CHODL: variants seen among roughly 807,000 people sequenced by gnomAD.
CHODL encodes transmembrane protein MT75.
Under a neutral mutation model 34.5 loss-of-function variants are expected in CHODL, and 29 were observed. The ratio of observed to expected loss-of-function variants is 0.84; its 90% CI spans 0.63 to 1.15. The LOEUF is 1.15. Ranked by LOEUF, CHODL falls within the 50% of genes most tolerant of loss-of-function variation. The pLI is 0.00. For missense variants in CHODL, 332 were observed against 332.5 expected, an observed-to-expected ratio of 1.00 and a Z score of 0.01; for synonymous variants, 125 against 116.1, an observed-to-expected ratio of 1.08 and a Z score of -0.49.
At chr21:18,116,241 G>A (rs1055341813) in intron 2 of CHODL, among the ~76,000 whole-genome samples, 1 of 151,948 alleles carries the variant, frequency 6.6e-6, no homozygotes, top group Non-Finnish European at 1.5e-5. Flanking sequence ...TGACCCATAT[G>A]GCCCCTTCTG....
upstream of CHODL, among the ~76,000 whole-genome samples, chr21:18,241,756 A>G (rs2074084464): frequency 6.6e-6 from 1 of 152,234 alleles, no homozygotes; most frequent in African/African-American, 2.4e-5. Flanking sequence ...TATAGATTCC[A>G]TAGTATACCC....
chr21:18,237,463 A>G (rs889445258), intron 2 of CHODL, among the ~76,000 whole-genome samples: 3 of 152,130 alleles, frequency 2.0e-5, no homozygotes, highest in Non-Finnish European at 4.4e-5. Context: ...GAGTGTTAGC[A>G]AAGGAAAGGA....
intron 2 of CHODL, among the ~76,000 whole-genome samples, chr21:18,125,714 GC>G (rs2065535047): frequency 6.6e-6 from 1 of 151,906 alleles, no homozygotes; most frequent in Non-Finnish European, 1.5e-5. Context: ...TTCTGCCTCA[GC>G]CTCCCAAGTA....
At chr21:18,258,633 A>T (rs1428612995) in intron 3 of CHODL, among the ~76,000 whole-genome samples, 1 of 151,952 alleles carries the variant, frequency 6.6e-6, no homozygotes, top group Non-Finnish European at 1.5e-5. Flanking sequence ...TATCTTCTCC[A>T]TTCTACCCAA....
At chr21:18,105,053 T>C (rs977786962) in intron 2 of CHODL, among the ~76,000 whole-genome samples, 1 of 152,220 alleles carries the variant, frequency 6.6e-6, no homozygotes, top group African/African-American at 2.4e-5. Context: ...ACTAAGGGAA[T>C]ATCTTTCAAT....
intron 2 of CHODL, among the ~76,000 whole-genome samples, chr21:18,030,179 A>G (rs1329268433): frequency 6.6e-6 from 1 of 152,212 alleles, no homozygotes; most frequent in Non-Finnish European, 1.5e-5. Flanking sequence ...AGATTAGGCT[A>G]CAAAGAGACT....
At chr21:18,214,459 C>T (rs742951) in intron 2 of CHODL, among the ~76,000 whole-genome samples, 2,739 of 152,150 alleles carry the variant, frequency 0.018, 87 homozygotes, top group African/African-American at 0.06. Flanking sequence ...ATACAGTACA[C>T]GCCAATAAAT....
intron 1 of CHODL, among the ~76,000 whole-genome samples, chr21:18,021,097 A>G (rs891902380): frequency 6.6e-6 from 1 of 152,140 alleles, no homozygotes; most frequent in Non-Finnish European, 1.5e-5. Context: ...CTAGAGATAT[A>G]TATTTGGAAG....
chr21:17,967,199 A>G (rs2146358465), intron 1 of CHODL, among the ~76,000 whole-genome samples: 1 of 152,114 alleles, frequency 6.6e-6, no homozygotes, highest in Non-Finnish European at 1.5e-5. Flanking sequence ...GAGCTTCTTT[A>G]TGGCCATCAG....
At chr21:17,983,857 T>C (rs1468720272) in intron 1 of CHODL, among the ~76,000 whole-genome samples, 1 of 151,604 alleles carries the variant, frequency 6.6e-6, no homozygotes, top group Non-Finnish European at 1.5e-5. Context: ...AAAATAGACA[T>C]GTGCAACACC....
intron 2 of CHODL, among the ~76,000 whole-genome samples, chr21:18,043,388 T>C (rs1033091827): frequency 3.3e-5 from 5 of 152,028 alleles, no homozygotes; most frequent in Non-Finnish European, 4.4e-5. Flanking sequence ...AGGATATATA[T>C]GCAGTATGTG....
chr21:18,130,832 A>T (rs2072645709), intron 2 of CHODL, among the ~76,000 whole-genome samples: 1 of 152,234 alleles, frequency 6.6e-6, no homozygotes. Context: ...ATTCATATTG[A>T]ATCCTTTCAA....
intron 2 of CHODL, among the ~76,000 whole-genome samples, chr21:18,180,241 C>T (rs777110909): frequency 2.2e-4 from 34 of 152,134 alleles, no homozygotes; most frequent in Non-Finnish European, 3.5e-4. Flanking sequence ...CAGCCTTGAC[C>T]TCCCAAGCTC....
chr21:18,181,495 T>C (rs10470100), intron 2 of CHODL, among the ~76,000 whole-genome samples: 3,224 of 152,206 alleles, frequency 0.021, 107 homozygotes, highest in African/African-American at 0.072. Context: ...CTCCGCCTCC[T>C]GGGTTCCCGC....
At chr21:18,015,354 C>A (rs1322146462) in intron 1 of CHODL, among the ~76,000 whole-genome samples, 1 of 152,128 alleles carries the variant, frequency 6.6e-6, no homozygotes, top group Non-Finnish European at 1.5e-5. Context: ...TTCCTCTTTG[C>A]CTTCCACCAT....
At chr21:18,123,933 A>G (rs910198530) in intron 2 of CHODL, among the ~76,000 whole-genome samples, 2 of 152,156 alleles carry the variant, frequency 1.3e-5, no homozygotes, top group Non-Finnish European at 2.9e-5. Flanking sequence ...CTGTAATCCC[A>G]GCATTTTGGG....
intron 1 of CHODL, among the ~76,000 whole-genome samples, chr21:17,978,907 C>G (rs1048459602): frequency 2.6e-5 from 4 of 151,986 alleles, no homozygotes; most frequent in Non-Finnish European, 5.9e-5. Flanking sequence ...AAGGCCTGCC[C>G]TTAGTTGCAA....
At chr21:18,099,541 AATAAAG>A (rs2065185163) in intron 2 of CHODL, among the ~76,000 whole-genome samples, 1 of 152,040 alleles carries the variant, frequency 6.6e-6, no homozygotes, top group Non-Finnish European at 1.5e-5. Context: ...AGTTTCAGAA[AATAAAG>A]ATAAAAAGAT....
At chr21:18,251,507 TTAATATATAAAA>T (rs1449780544) in intron 1 of CHODL, among the ~76,000 whole-genome samples, 3 of 133,512 alleles carry the variant, frequency 2.2e-5, no homozygotes, top group African/African-American at 8.6e-5. Context: ...AATATTTATT[TTAATATATAAAA>T]TATTTATTTT....
Sources: allele counts gnomAD v4.1 joint callset (sites outside exome capture counted in the v4.1 genomes callset), GRCh38; gene constraint gnomAD v4.1.1; transcripts MANE v1.5; gene names NCBI Gene and HGNC (gene_info 2026-07-23, HGNC 2026-07-21).